SLC24A2: variants seen among roughly 807,000 people sequenced by gnomAD.
SLC24A2 encodes sodium/potassium/calcium exchanger 2.
Under a neutral mutation model 62.0 loss-of-function variants are expected in SLC24A2, and 36 were observed. That is an observed-to-expected ratio of 0.58 (90% CI 0.44 to 0.77). The LOEUF is 0.77. Ranked by LOEUF, SLC24A2 falls within the 30% of genes least tolerant of loss-of-function variation. The pLI is 0.00. For synonymous variants in SLC24A2, 358 were observed against 294.0 expected, an observed-to-expected ratio of 1.22 and a Z score of -2.23; for missense variants, 846 against 817.9, an observed-to-expected ratio of 1.03 and a Z score of -0.42.
At chr9:20,100,621 G>C in the SLC24A2 span, among the ~76,000 whole-genome samples, 2 of 152,158 alleles carry the variant, frequency 1.3e-5, no homozygotes, top group African/African-American at 4.8e-5. Flanking sequence ...CTGACACTTA[G>C]TGTTCAACAA....
chr9:20,000,576 A>G, the SLC24A2 span, among the ~76,000 whole-genome samples: 2 of 152,202 alleles, frequency 1.3e-5, no homozygotes, highest in Non-Finnish European at 2.9e-5. Context: ...AACAAACAAT[A>G]ACTGCTGTAG....
chr9:19,660,341 T>C (rs993049616), intron 2 of SLC24A2, among the ~76,000 whole-genome samples: 3 of 152,228 alleles, frequency 2.0e-5, no homozygotes, highest in African/African-American at 4.8e-5. Flanking sequence ...AGTGCATTTA[T>C]ATTTATTCTT....
At chr9:19,999,867 A>G in the SLC24A2 span, among the ~76,000 whole-genome samples, 1 of 152,290 alleles carries the variant, frequency 6.6e-6, no homozygotes, top group Middle Eastern at 3.4e-3. Flanking sequence ...GCCTGTTTTC[A>G]ACCTCTTCAT....
At chr9:20,239,999 C>CG in the SLC24A2 span, among the ~76,000 whole-genome samples, 1 of 151,838 alleles carries the variant, frequency 6.6e-6, no homozygotes, top group African/African-American at 2.4e-5. Flanking sequence ...GGTAACCATC[C>CG]GGGAAGCTTA....
the SLC24A2 span, among the ~76,000 whole-genome samples, chr9:19,905,685 G>A: frequency 6.6e-6 from 1 of 151,702 alleles, no homozygotes; most frequent in African/African-American, 2.4e-5. Flanking sequence ...GTGAGCAACC[G>A]AGCCCAGCCC....
At chr9:19,951,384 T>A in the SLC24A2 span, among the ~76,000 whole-genome samples, 1 of 152,150 alleles carries the variant, frequency 6.6e-6, no homozygotes, top group Non-Finnish European at 1.5e-5. Context: ...ATTGTTTCTT[T>A]TATGGCTTAG....
At chr9:19,960,260 A>C in the SLC24A2 span, among the ~76,000 whole-genome samples, 1 of 152,192 alleles carries the variant, frequency 6.6e-6, no homozygotes, top group Admixed American at 6.5e-5. Context: ...AGCAATGCTT[A>C]CTGCCACTAT....
intron 2 of SLC24A2, among the ~76,000 whole-genome samples, chr9:19,774,130 T>G (rs1587306637): frequency 6.6e-6 from 1 of 151,706 alleles, no homozygotes. Context: ...TGAAGAAGAG[T>G]AGGCTTGTAG....
At chr9:20,233,382 A>T in the SLC24A2 span, among the ~76,000 whole-genome samples, 24 of 152,300 alleles carry the variant, frequency 1.6e-4, no homozygotes, top group Middle Eastern at 3.4e-3. Flanking sequence ...TAGGTCACTC[A>T]GGACTTGCTT....
chr9:20,090,709 C>T, the SLC24A2 span, among the ~76,000 whole-genome samples: 5 of 151,980 alleles, frequency 3.3e-5, no homozygotes, highest in East Asian at 1.9e-4. Flanking sequence ...ACTGACTATA[C>T]TTAATCTATA....
chr9:20,014,495 G>GATATATATATATATATAT, the SLC24A2 span, among the ~76,000 whole-genome samples: 6 of 140,698 alleles, frequency 4.3e-5, no homozygotes, highest in East Asian at 2.1e-4. Flanking sequence ...AGAAAAATGT[G>GATATATATATATATATAT]ATATATATAT....
chr9:19,682,957 A>T (rs938446121), intron 2 of SLC24A2, among the ~76,000 whole-genome samples: 6 of 152,148 alleles, frequency 3.9e-5, no homozygotes, highest in African/African-American at 1.4e-4. Flanking sequence ...ACAAAACTGA[A>T]AGCAGCTGTT....
chr9:19,815,790 G>A, the SLC24A2 span, among the ~76,000 whole-genome samples: 1 of 151,908 alleles, frequency 6.6e-6, no homozygotes, highest in Non-Finnish European at 1.5e-5. Context: ...TCCTACTTCT[G>A]AATATTTTAC....
At chr9:19,677,458 A>G (rs958988533) in intron 2 of SLC24A2, among the ~76,000 whole-genome samples, 17 of 152,336 alleles carry the variant, frequency 1.1e-4, no homozygotes, top group African/African-American at 4.1e-4. Flanking sequence ...GAGGTAGAGT[A>G]TTAGGAAAAA....
the SLC24A2 span, among the ~76,000 whole-genome samples, chr9:19,829,437 A>G: frequency 6.6e-6 from 1 of 152,186 alleles, no homozygotes; most frequent in Admixed American, 6.5e-5. Context: ...CACTCAATGA[A>G]TGATTTGAAA....
chr9:20,041,765 G>A, the SLC24A2 span, among the ~76,000 whole-genome samples: 22 of 152,252 alleles, frequency 1.4e-4, no homozygotes, highest in African/African-American at 4.8e-4. Context: ...TGGCCAAATG[G>A]CTAAGTAGCC....
At chr9:19,799,547 A>G in the SLC24A2 span, among the ~76,000 whole-genome samples, 2 of 152,172 alleles carry the variant, frequency 1.3e-5, no homozygotes, top group Admixed American at 6.5e-5. Context: ...GTCATCTGAA[A>G]TACCTGTCAG....
intron 2 of SLC24A2, among the ~76,000 whole-genome samples, chr9:19,734,685 C>T (rs555951051): frequency 1.3e-5 from 2 of 152,178 alleles, no homozygotes; most frequent in South Asian, 4.2e-4. Context: ...GGCTGTTTGT[C>T]TGTTATTGGT....
chr9:20,091,094 G>C, the SLC24A2 span, among the ~76,000 whole-genome samples: 1 of 150,930 alleles, frequency 6.6e-6, no homozygotes, highest in Non-Finnish European at 1.5e-5. Context: ...ACCAAGCTGA[G>C]GAAACAATCT....
Sources: allele counts gnomAD v4.1 joint callset (sites outside exome capture counted in the v4.1 genomes callset), GRCh38; gene constraint gnomAD v4.1.1; transcripts MANE v1.5; gene names NCBI Gene and HGNC (gene_info 2026-07-23, HGNC 2026-07-21).